The following SLC1A3 variants were observed in gnomAD, a reference collection of about 807,000 sequenced individuals.
SLC1A3 encodes the protein excitatory amino acid transporter 1.
In SLC1A3, 21 loss-of-function variants were observed where a neutral mutation model predicts 48.1. The ratio of observed to expected loss-of-function variants is 0.44; its 90% CI spans 0.31 to 0.63. The LOEUF (loss-of-function observed/expected upper bound fraction) is 0.63, where lower values mean the gene tolerates loss of function less well. Ranked by LOEUF, SLC1A3 falls within the 20% of genes least tolerant of loss-of-function variation. The pLI is 0.08. For synonymous variants in SLC1A3, 239 were observed against 251.4 expected, an observed-to-expected ratio of 0.95 and a Z score of 0.47; for missense variants, 546 against 689.0, an observed-to-expected ratio of 0.79 and a Z score of 2.32.
At chr5:36,605,013 T>G (rs1738876356), upstream of SLC1A3, among the ~76,000 whole-genome samples, 1 of 151,884 alleles carries the variant, frequency 6.6e-6, no homozygotes, top group South Asian at 2.1e-4. Flanking sequence ...AATGGCTCCA[T>G]GCACCTAAAC....
intron 3 of SLC1A3, among the ~76,000 whole-genome samples, chr5:36,656,331 A>G (rs1389068866): frequency 1.3e-5 from 2 of 152,212 alleles, no homozygotes; most frequent in African/African-American, 2.4e-5. Context: ...ACTCAAATCT[A>G]CGTGTCACTA....
chr5:36,678,010 G>A (rs1009222510), intron 6 of SLC1A3, among the ~76,000 whole-genome samples: 2 of 152,222 alleles, frequency 1.3e-5, no homozygotes, highest in Non-Finnish European at 2.9e-5. Context: ...GACTATAAAT[G>A]CAAGAGGAAC....
At chr5:36,623,117 T>G (rs1391265546) in intron 2 of SLC1A3, among the ~76,000 whole-genome samples, 1 of 152,146 alleles carries the variant, frequency 6.6e-6, no homozygotes, top group Non-Finnish European at 1.5e-5. Context: ...AGAAACTATT[T>G]AAGCAAAAAT....
At chr5:36,667,100 T>C (rs1318078216) in intron 3 of SLC1A3, among the ~76,000 whole-genome samples, 2 of 152,218 alleles carry the variant, frequency 1.3e-5, no homozygotes, top group African/African-American at 4.8e-5. Flanking sequence ...TAAGTGGTTA[T>C]TTATGGGTAG....
chr5:36,622,775 G>A (rs1207198250), intron 2 of SLC1A3, among the ~76,000 whole-genome samples: 2 of 152,128 alleles, frequency 1.3e-5, no homozygotes, highest in Non-Finnish European at 2.9e-5. Flanking sequence ...ACTTTGGGAG[G>A]CCGAGGTGGG....
At chr5:36,646,416 C>T (rs1443998192) in intron 3 of SLC1A3, among the ~76,000 whole-genome samples, 2 of 152,180 alleles carry the variant, frequency 1.3e-5, no homozygotes, top group African/African-American at 4.8e-5. Context: ...AAAATATAAA[C>T]ACAATATCCA....
At chr5:36,597,767 C>G (rs540324359) in intron 1 of SLC1A3, among the ~76,000 whole-genome samples, 28 of 152,200 alleles carry the variant, frequency 1.8e-4, no homozygotes, top group Non-Finnish European at 3.4e-4. Context: ...CCTGGCACGC[C>G]TCTCCCTAGC....
intron 2 of SLC1A3, among the ~76,000 whole-genome samples, chr5:36,627,798 A>G (rs1422629588): frequency 6.6e-6 from 1 of 152,236 alleles, no homozygotes; most frequent in African/African-American, 2.4e-5. Flanking sequence ...TAAAGGGGTT[A>G]AGAACCTGGG....
chr5:36,651,988 G>A (rs1741097525), intron 3 of SLC1A3, among the ~76,000 whole-genome samples: 1 of 152,232 alleles, frequency 6.6e-6, no homozygotes, highest in Middle Eastern at 3.4e-3. Flanking sequence ...ACCAACACCG[G>A]ACTCTTGACT....
At chr5:36,663,550 G>A (rs75650732) in intron 3 of SLC1A3, among the ~76,000 whole-genome samples, 5,260 of 151,966 alleles carry the variant, frequency 0.035, 296 homozygotes, top group African/African-American at 0.12. Context: ...CCTGCACTTA[G>A]TTTTCTTAAG....
At chr5:36,618,190 C>T (rs1438978752) in intron 2 of SLC1A3, among the ~76,000 whole-genome samples, 1 of 152,186 alleles carries the variant, frequency 6.6e-6, no homozygotes, top group African/African-American at 2.4e-5. Flanking sequence ...AATCCATATA[C>T]AACACCCAAA....
chr5:36,686,136 G>T lies in SLC1A3; in HGVS notation c.1496G>T (p.Arg499Leu). ...GCTGGGATTGTGGAGCACTTGTCACGACATGAACTGAAGAACAGAGATGTT... is the reference window on the plus strand; with the variant it reads ...GCTGGGATTGTGGAGCACTTGTCACTACATGAACTGAAGAACAGAGATGTT... Reference protein sequence around the residue: ...LGAGIVEHLSRHELKNRDVEM... With the variant: ...LGAGIVEHLSLHELKNRDVEM... The change falls in exon 10 of 10, where the codon CGA becomes CTA. Residue 499 changes from arginine to leucine, a missense_variant. Arg to Leu is a moderately radical substitution (Grantham distance 102). Transcript: ENST00000265113. 6.2e-7 allele frequency: 1 copy of T among 1,614,124 alleles called. No individual in the cohort carries two copies. The highest frequency in any genetic ancestry group is 8.5e-7 in the Non-Finnish European group (1 of 1,179,994).
At chr5:36,674,019 T>C (rs1408671497) in intron 4 of SLC1A3, 30 bp from the exon 5 acceptor site, 2 of 1,601,108 alleles carry the variant, frequency 1.2e-6, no homozygotes, top group Admixed American at 1.7e-5. Context: ...ACTTGGAAAA[T>C]TTTGCAAGTG....
At chr5:36,606,831 C>T (rs905980569) in intron 1 of SLC1A3, 96 bp downstream of exon 1, 12 of 152,368 alleles carry the variant, frequency 7.9e-5, no homozygotes, top group Admixed American at 3.9e-4. Flanking sequence ...TAGCCTGAAT[C>T]AAGGCTAGCC....
intron 2 of SLC1A3, among the ~76,000 whole-genome samples, chr5:36,622,038 G>A (rs1479866323): frequency 2.0e-5 from 3 of 152,222 alleles, no homozygotes; most frequent in Non-Finnish European, 4.4e-5. Context: ...TAAAACCAGT[G>A]AGTGGTGTGC....
At chr5:36,653,648 C>T (rs1180293521) in intron 3 of SLC1A3, among the ~76,000 whole-genome samples, 2 of 152,184 alleles carry the variant, frequency 1.3e-5, no homozygotes. Flanking sequence ...TTCTGACACA[C>T]ACAGATCTCT....
intron 1 of SLC1A3, among the ~76,000 whole-genome samples, chr5:36,598,466 T>A (rs1025704069): frequency 1.2e-4 from 18 of 152,236 alleles, no homozygotes; most frequent in African/African-American, 4.3e-4. Flanking sequence ...AAATTAAGAG[T>A]GATTGCTCTG....
At chr5:36,603,917 C>CA (rs200523352), upstream of SLC1A3, among the ~76,000 whole-genome samples, 220 of 151,418 alleles carry the variant, frequency 1.5e-3, 1 homozygote, top group African/African-American at 4.6e-3. Flanking sequence ...TTTTGTTGCT[C>CA]AAAAAAAAAT....
intron 3 of SLC1A3, among the ~76,000 whole-genome samples, chr5:36,653,062 A>G (rs1741148894): frequency 6.6e-6 from 1 of 152,150 alleles, no homozygotes; most frequent in African/African-American, 2.4e-5. Context: ...CACTGACCTC[A>G]TATTTGCCTT....
Sources: gnomAD v4.1 joint callset for allele counts (sites outside exome capture counted in the v4.1 genomes callset) on GRCh38, gnomAD v4.1.1 for gene constraint, MANE v1.5 for transcripts, NCBI Gene and HGNC (gene_info 2026-07-23, HGNC 2026-07-21) for gene names.